Variants in PRKN observed in about 807,000 individuals in gnomAD.
The protein encoded by PRKN is parkin RBR E3 ubiquitin protein ligase, also known as E3 ubiquitin-protein ligase parkin.
Under a neutral mutation model 59.5 loss-of-function variants are expected in PRKN, and 56 were observed. The observed-to-expected ratio is 0.94, with a 90% CI of 0.76 to 1.18. The LOEUF is 1.18. Ranked by LOEUF, PRKN falls within the 50% of genes most tolerant of loss-of-function variation. PRKN has a pLI of 0.00. For missense variants in PRKN, 657 were observed against 596.4 expected, an observed-to-expected ratio of 1.10 and a Z score of -1.06; for synonymous variants, 250 against 222.1, an observed-to-expected ratio of 1.13 and a Z score of -1.12.
At position 162,195,014 on chromosome 6, in the gene PRKN, C is replaced by T. The variant is rs546574152; in HGVS notation, c.534+6117G>A. ...TGAAGGGCGACAGTGAACACGGGGG[C>T]CACCCTGGCTTTGGTAGATGCCAGA... On this transcript the variant is annotated intron_variant, in intron 4 of 11. Transcript: ENST00000366898. Among the ~76,000 whole-genome samples, 8 of 152,250 alleles carry T rather than the reference C, an allele frequency of 5.3e-5. 1 individual carries two copies. Among genetic ancestry groups the T allele is most frequent in the African/African-American group, 1.9e-4 (8 of 41,550 alleles).
chr6:162,262,622 C>A lies in PRKN; in HGVS notation c.315G>T (p.Val105=). 1 of 1,613,782 alleles carries A rather than the reference C, an allele frequency of 6.2e-7. No individual in the cohort carries two copies. Residue 105 remains valine, a synonymous_variant, in exon 3 of 12, where the codon GTG becomes GTT. Coordinates refer to ENST00000366898, the MANE Select transcript of PRKN (RefSeq NM_004562.3). ...CEREPQSLTR[V]DLSSSVLPGD... is the part of the protein sequence containing the mutation. ...CTGGGAGGACTGAGCTGCTGAGGTCCACCCGAGTCAAGCTCTGGGGCTCCC... is the reference window on the plus strand; with the variant it reads ...CTGGGAGGACTGAGCTGCTGAGGTCAACCCGAGTCAAGCTCTGGGGCTCCC...
chr6:161,779,511 C>T (rs1372480147), intron 7 of PRKN, among the ~76,000 whole-genome samples: 1 of 112,482 alleles, frequency 8.9e-6, no homozygotes, highest in Admixed American at 1.3e-4. Flanking sequence ...GTGGTGTGAT[C>T]GTGGCTCACT....
intron 4 of PRKN, among the ~76,000 whole-genome samples, chr6:162,121,289 G>T (rs1357844745): frequency 1.3e-5 from 2 of 152,034 alleles, no homozygotes; most frequent in Non-Finnish European, 2.9e-5. Flanking sequence ...CCAACCCGTG[G>T]AAAATAAAGC....
At chr6:162,573,574 A>AATT (rs564428515) in intron 1 of PRKN, among the ~76,000 whole-genome samples, 130 of 152,288 alleles carry the variant, frequency 8.5e-4, no homozygotes, top group African/African-American at 3.0e-3. Flanking sequence ...TAGTGATGTG[A>AATT]ATTAAATGGG....
In PRKN at chr6:162,374,444, CTTTAG is replaced by C. The variant is rs1043553184; in HGVS notation, c.171+68861_171+68865del. Among the ~76,000 whole-genome samples, 6 of 149,740 alleles carry C rather than the reference CTTTAG, an allele frequency of 4.0e-5. 1 individual carries two copies. Among genetic ancestry groups the C allele is most frequent in the Admixed American group, 2.7e-4 (4 of 14,984 alleles). On this transcript the variant is annotated intron_variant, in intron 2 of 11. Transcript: ENST00000366898. ...TTTATGTGATATTTAGTATGAGTGA[CTTTAG>C]TTTGGTTTGGTCTGGTCGGTTGGAG...
intron 10 of PRKN, among the ~76,000 whole-genome samples, chr6:161,367,152 G>A (rs1395739220): frequency 7.9e-5 from 12 of 151,670 alleles, no homozygotes; most frequent in Admixed American, 5.9e-4. Flanking sequence ...CACCACGCCC[G>A]GCTAATTTTT....
intron 1 of PRKN, among the ~76,000 whole-genome samples, chr6:162,527,329 T>C (rs1258955917): frequency 1.3e-5 from 2 of 152,158 alleles, no homozygotes; most frequent in East Asian, 3.9e-4. Flanking sequence ...AATTCGCACA[T>C]AACAGTCTTC....
In PRKN at chr6:161,378,363, T is replaced by TC. The variant is rs966250349; in HGVS notation, c.1167+8430dup. Among the ~76,000 whole-genome samples, 2 of 151,864 alleles carry TC rather than the reference T, an allele frequency of 1.3e-5. No individual in the cohort carries two copies. Among genetic ancestry groups the TC allele is most frequent in the Non-Finnish European group, 2.9e-5 (2 of 67,970 alleles). On this transcript the variant is annotated intron_variant, in intron 10 of 11. Coordinates refer to ENST00000366898, the MANE Select transcript of PRKN (RefSeq NM_004562.3). The surrounding 1 kb of genome is among the most constrained non-coding windows in gnomAD (Gnocchi z 7.3). Reference sequence around the variant, plus strand: ...CCTGCCAGGCCCCCCAGCTCGGGCATCCCCCCATCTGCCACACCGCCAACA... The same window carrying TC: ...CCTGCCAGGCCCCCCAGCTCGGGCATCCCCCCCATCTGCCACACCGCCAACA...
intron 2 of PRKN, among the ~76,000 whole-genome samples, chr6:162,342,543 T>C (rs917025991): frequency 1.3e-5 from 2 of 152,190 alleles, no homozygotes; most frequent in East Asian, 1.9e-4. Context: ...AAAGTTTACA[T>C]AGTAAGTAAG....
At position 161,525,130 on chromosome 6, in the gene PRKN, G is replaced by GGTGTGTGTGT. The variant is rs61133511; in HGVS notation, c.1083+23714_1083+23723dup. ...TGACACATTCATTCATTTTCTAAAA[G>GGTGTGTGTGT]GTGTGTGTGTGTGTGTGTGTGTATG... On this transcript the variant is annotated intron_variant, in intron 9 of 11. Transcript: ENST00000366898. The surrounding 1 kb of genome is among the most constrained non-coding windows in gnomAD (Gnocchi z 4.7). Among the ~76,000 whole-genome samples, 17 of 149,420 alleles carry GGTGTGTGTGT rather than the reference G, an allele frequency of 1.1e-4. No homozygotes were observed. Among genetic ancestry groups the GGTGTGTGTGT allele is most frequent in the African/African-American group, 3.9e-4 (16 of 40,762 alleles).
intron 7 of PRKN, among the ~76,000 whole-genome samples, chr6:161,783,191 G>T (rs1790281336): frequency 6.6e-6 from 1 of 151,920 alleles, no homozygotes; most frequent in Admixed American, 6.6e-5. Context: ...AACAACAGTT[G>T]TAATATTGGT....
intron 1 of PRKN, among the ~76,000 whole-genome samples, chr6:162,445,214 G>T (rs1790251856): frequency 6.6e-6 from 1 of 152,048 alleles, no homozygotes; most frequent in South Asian, 2.1e-4. Context: ...CCAGTGATCT[G>T]GTCAGGTCCC....
intron 1 of PRKN, among the ~76,000 whole-genome samples, chr6:162,557,880 C>T (rs532899954): frequency 3.9e-5 from 6 of 152,306 alleles, no homozygotes; most frequent in African/African-American, 1.4e-4. Context: ...AAAGATGCTA[C>T]TGCATCAGGC....
chr6:161,709,089 T>C (rs987411239), intron 7 of PRKN, among the ~76,000 whole-genome samples: 3 of 152,236 alleles, frequency 2.0e-5, no homozygotes, highest in Non-Finnish European at 4.4e-5. Context: ...GGATAAATGA[T>C]TGGACATCTT....
chr6:161,764,859 A>C (rs547111140), intron 7 of PRKN, among the ~76,000 whole-genome samples: 130 of 152,312 alleles, frequency 8.5e-4, no homozygotes, highest in African/African-American at 3.0e-3. Context: ...TCTTAAACAC[A>C]TATTTTATTG....
chr6:161,631,962 C>T (rs1024189), intron 7 of PRKN, among the ~76,000 whole-genome samples: 50,408 of 152,036 alleles, frequency 0.33, 8,742 homozygotes, highest in Middle Eastern at 0.51. Flanking sequence ...ATGTGTAAGT[C>T]GTTAACTATT....
At chr6:161,859,173 C>T (rs1229324525) in intron 6 of PRKN, among the ~76,000 whole-genome samples, 1 of 151,778 alleles carries the variant, frequency 6.6e-6, no homozygotes, top group Non-Finnish European at 1.5e-5. Context: ...AAGGCCACAG[C>T]GATACTTTTT....
chr6:161,997,545 C>T (rs1291358723), intron 5 of PRKN, among the ~76,000 whole-genome samples: 1 of 152,130 alleles, frequency 6.6e-6, no homozygotes, highest in Admixed American at 6.6e-5. Flanking sequence ...TCTCTCAAGG[C>T]ACTGTGGTAG....
intron 6 of PRKN, among the ~76,000 whole-genome samples, chr6:161,952,178 C>T (rs57829487): frequency 2.6e-5 from 4 of 152,212 alleles, no homozygotes; most frequent in African/African-American, 9.6e-5. Context: ...GTGCCACCCT[C>T]TGTTCTGCTT....
Sources: allele counts gnomAD v4.1 joint callset (sites outside exome capture counted in the v4.1 genomes callset), GRCh38; gene constraint gnomAD v4.1.1; non-coding constraint Gnocchi (gnomAD v3.1); transcripts MANE v1.5; gene names NCBI Gene and HGNC (gene_info 2026-07-23, HGNC 2026-07-21).